The following ARHGAP25 variants were observed in gnomAD, a reference collection of about 807,000 sequenced individuals.
The protein encoded by ARHGAP25 is Rho GTPase activating protein 25.
Under a neutral mutation model 71.0 loss-of-function variants are expected in ARHGAP25, and 34 were observed. That is an observed-to-expected ratio of 0.48 (90% confidence interval 0.36 to 0.64). ARHGAP25 has a LOEUF of 0.64. ARHGAP25 is among the 30% of genes least tolerant of loss of function. The pLI, the probability that ARHGAP25 is intolerant of heterozygous loss-of-function variation, is 0.00. For synonymous variants in ARHGAP25, 282 were observed against 296.5 expected, an observed-to-expected ratio of 0.95 and a Z score of 0.50; for missense variants, 706 against 805.1, an observed-to-expected ratio of 0.88 and a Z score of 1.49.
chr2:68,766,200 T>C (rs954366906), intron 1 of ARHGAP25, among the ~76,000 whole-genome samples: 2 of 152,218 alleles, frequency 1.3e-5, no homozygotes, highest in Admixed American at 1.3e-4. Flanking sequence ...ACTAGGGTGT[T>C]GGGCAGAGCT....
chr2:68,815,179 AC>A (rs1271403088), intron 6 of ARHGAP25, among the ~76,000 whole-genome samples: 1 of 152,220 alleles, frequency 6.6e-6, no homozygotes, highest in Non-Finnish European at 1.5e-5. Context: ...GCATGTCTAC[AC>A]ACAGGGACCA....
At chr2:68,747,213 T>C (rs1357512390) in intron 1 of ARHGAP25, among the ~76,000 whole-genome samples, 1 of 152,140 alleles carries the variant, frequency 6.6e-6, no homozygotes, top group African/African-American at 2.4e-5. Context: ...CTTGACACTG[T>C]GCCCCCTGGC....
intron 6 of ARHGAP25, among the ~76,000 whole-genome samples, chr2:68,813,672 A>C (rs17035988): frequency 0.032 from 4,913 of 152,266 alleles, 244 homozygotes; most frequent in African/African-American, 0.11. Context: ...AAGTAGTGAG[A>C]AAAGGAGGAT....
chr2:68,757,062 G>T (rs1676523356), intron 1 of ARHGAP25, among the ~76,000 whole-genome samples: 1 of 152,096 alleles, frequency 6.6e-6, no homozygotes, highest in Admixed American at 6.5e-5. Context: ...GCAGATTTGA[G>T]CAGGCAGAAG....
chr2:68,755,573 C>A (rs111781711), intron 1 of ARHGAP25, among the ~76,000 whole-genome samples: 52 of 152,162 alleles, frequency 3.4e-4, no homozygotes, highest in African/African-American at 1.2e-3. Flanking sequence ...ATGTTAAAGT[C>A]AATTAATTAG....
intron 9 of ARHGAP25, among the ~76,000 whole-genome samples, chr2:68,821,598 G>A (rs182181847): frequency 1.1e-4 from 17 of 152,314 alleles, no homozygotes; most frequent in African/African-American, 4.1e-4. Context: ...ATGCATGAAA[G>A]AACTGTTTTC....
chr2:68,765,068 C>T (rs774787902), intron 1 of ARHGAP25, among the ~76,000 whole-genome samples: 7 of 152,144 alleles, frequency 4.6e-5, no homozygotes, highest in African/African-American at 7.2e-5. Flanking sequence ...GGGCTCCCTC[C>T]GGTTTCTGCT....
chr2:68,807,231 A>T, intron 4 of ARHGAP25, 42 bp from the exon 5 acceptor site: 2 of 1,603,152 alleles, frequency 1.2e-6, no homozygotes, highest in Non-Finnish European at 8.5e-7. Flanking sequence ...TCATCCAAGG[A>T]AGCACAGAAT....
intron 5 of ARHGAP25, among the ~76,000 whole-genome samples, chr2:68,812,449 C>T (rs1333010593): frequency 6.6e-6 from 1 of 152,212 alleles, no homozygotes; most frequent in African/African-American, 2.4e-5. Context: ...GGGAGGCGTC[C>T]TCTCCTCATG....
At chr2:68,780,391 G>T (rs549527906) in intron 2 of ARHGAP25, among the ~76,000 whole-genome samples, 19 of 152,232 alleles carry the variant, frequency 1.2e-4, no homozygotes, top group South Asian at 4.2e-4. Context: ...AAGCAACAAG[G>T]CCTTTTATTC....
intron 10 of ARHGAP25, 151 bp downstream of exon 10, chr2:68,823,023 G>A: frequency 5.2e-6 from 4 of 771,222 alleles, no homozygotes; most frequent in East Asian, 2.8e-5. Flanking sequence ...AAGAGTAAAG[G>A]GAACAATGAG....
chr2:68,799,782 C>G (rs1198103253), intron 4 of ARHGAP25, among the ~76,000 whole-genome samples: 1 of 152,170 alleles, frequency 6.6e-6, no homozygotes, highest in African/African-American at 2.4e-5. Flanking sequence ...CAGGTGCAGA[C>G]AGATCCCATG....
In ARHGAP25 at chr2:68,813,305, T is replaced by C; in HGVS notation, c.693T>C (p.Thr231=). The part of the protein sequence containing the change: ...PSFDRDTDVH[T]VASLLKLYLR... ...CTTCCAGAGACACAGATGTGCACAC[T>C]GTGGCTTCCCTGTTAAAGCTCTACC... Residue 231 remains threonine, a synonymous_variant, in exon 6 of 11, where the codon ACT becomes ACC. Coordinates refer to ENST00000409202, the MANE Select transcript of ARHGAP25 (RefSeq NM_001007231.3). The C allele has an allele frequency of 1.2e-6, 2 of 1,613,596 alleles. No individual in the cohort carries two copies. The highest frequency in any genetic ancestry group is 1.7e-6 in the Non-Finnish European group (2 of 1,179,874).
At position 68,817,967 on chromosome 2, in the gene ARHGAP25, G is replaced by A. The variant is rs755053049; in HGVS notation, c.976G>A (p.Val326Ile). The change falls in exon 8 of 11, where the codon GTC (valine) becomes ATC (isoleucine). Residue 326 changes from valine to isoleucine, a missense_variant. Val to Ile is a conservative substitution (Grantham distance 29). Transcript: ENST00000409202. ...TGGTGTGAATCTCATCAGGTCGAAGGTCGAAGACCCTGCCGTGATCATGAG... is the reference window on the plus strand; with the variant it reads ...TGGTGTGAATCTCATCAGGTCGAAGATCGAAGACCCTGCCGTGATCATGAG... ...VIGVNLIRSK[V>I]EDPAVIMRGT... 6.2e-7 allele frequency: 1 copy of A among 1,614,148 alleles called. No individual in the cohort carries two copies. Among genetic ancestry groups the A allele is most frequent in the East Asian group, 2.2e-5 (1 of 44,880 alleles).
chr2:68,712,611 A>G (rs1271160717), intron 2 of ARHGAP25, among the ~76,000 whole-genome samples: 2 of 152,144 alleles, frequency 1.3e-5, no homozygotes, highest in African/African-American at 4.8e-5. Flanking sequence ...GGTATTGCCT[A>G]GGTTTTCTTC....
chr2:68,813,544 C>T, intron 6 of ARHGAP25, 125 bp downstream of exon 6: 2 of 1,072,310 alleles, frequency 1.9e-6, no homozygotes, highest in Non-Finnish European at 2.6e-6. Flanking sequence ...AATGCAACTT[C>T]CTCAGCAACA....
At chr2:68,824,007 G>A (rs1681902923) in intron 10 of ARHGAP25, among the ~76,000 whole-genome samples, 1 of 152,182 alleles carries the variant, frequency 6.6e-6, no homozygotes, top group Non-Finnish European at 1.5e-5. Flanking sequence ...TAGATTTATG[G>A]CTACGTCTTA....
chr2:68,797,025 T>C (rs1450939202), intron 4 of ARHGAP25, among the ~76,000 whole-genome samples: 3 of 152,018 alleles, frequency 2.0e-5, no homozygotes, highest in Non-Finnish European at 4.4e-5. Context: ...GGGGGTAGCA[T>C]GGAGATTTAT....
chr2:68,753,083 G>GT (rs553757142), intron 1 of ARHGAP25, among the ~76,000 whole-genome samples: 2 of 151,848 alleles, frequency 1.3e-5, no homozygotes, highest in Non-Finnish European at 2.9e-5. Flanking sequence ...GTGGATGGGG[G>GT]GGGTGATAAA....
Sources: gnomAD v4.1 joint callset for allele counts (sites outside exome capture counted in the v4.1 genomes callset) on GRCh38, gnomAD v4.1.1 for gene constraint, MANE v1.5 for transcripts, NCBI Gene and HGNC (gene_info 2026-07-23, HGNC 2026-07-21) for gene names.